Variants in RAB2A observed in about 807,000 individuals in gnomAD.
RAB2A encodes RAB2A, member RAS oncogene family, also known as ras-related protein Rab-2A.
A neutral mutation model predicts 32.5 loss-of-function variants in RAB2A; 7 were observed. That is an observed-to-expected ratio of 0.22 (90% CI 0.12 to 0.40). RAB2A has a LOEUF of 0.40. Ranked by LOEUF, RAB2A falls within the 10% of genes least tolerant of loss-of-function variation. The pLI, the probability that RAB2A is intolerant of heterozygous loss-of-function variation, is 1.00. For missense variants in RAB2A, 108 were observed against 260.7 expected (o/e 0.41, Z 4.03); for synonymous variants, 79 against 85.2 (o/e 0.93, Z 0.40).
At chr8:60,535,450 AC>A (rs1751051172) in intron 1 of RAB2A, among the ~76,000 whole-genome samples, 1 of 152,190 alleles carries the variant, frequency 6.6e-6, no homozygotes, top group South Asian at 2.1e-4. Context: ...TACAATCACT[AC>A]TGTTCTACAA....
At chr8:60,590,663 G>T (rs563632266) in intron 5 of RAB2A, among the ~76,000 whole-genome samples, 1 of 148,754 alleles carries the variant, frequency 6.7e-6, no homozygotes, top group South Asian at 2.1e-4. Context: ...AAATAACTTT[G>T]CCTTATAGAG....
At chr8:60,532,005 A>C (rs1807484611) in intron 1 of RAB2A, among the ~76,000 whole-genome samples, 1 of 152,052 alleles carries the variant, frequency 6.6e-6, no homozygotes, top group Non-Finnish European at 1.5e-5. Flanking sequence ...GGGTTTCACC[A>C]TGTTGGTCAA....
At chr8:60,532,277 G>C (rs760183774) in intron 1 of RAB2A, among the ~76,000 whole-genome samples, 1 of 152,192 alleles carries the variant, frequency 6.6e-6, no homozygotes, top group Non-Finnish European at 1.5e-5. Context: ...AGTATTGTTA[G>C]TTCAGTTTTA....
intron 6 of RAB2A, among the ~76,000 whole-genome samples, chr8:60,596,715 G>A (rs957454941): frequency 1.3e-5 from 2 of 152,122 alleles, no homozygotes; most frequent in Admixed American, 6.5e-5. Context: ...AAGGTCAGGA[G>A]ATGAGACCAT....
intron 6 of RAB2A, among the ~76,000 whole-genome samples, chr8:60,597,457 A>C (rs1220868337): frequency 6.6e-6 from 1 of 152,138 alleles, no homozygotes; most frequent in Non-Finnish European, 1.5e-5. Context: ...GTGGGGGCCT[A>C]GGGGAAGGAT....
chr8:60,596,093 T>G (rs1364032353), intron 6 of RAB2A, among the ~76,000 whole-genome samples: 1 of 152,176 alleles, frequency 6.6e-6, no homozygotes, highest in Non-Finnish European at 1.5e-5. Context: ...TATCATTAAA[T>G]GCACACAATA....
intron 1 of RAB2A, among the ~76,000 whole-genome samples, chr8:60,544,061 C>CAAAAAAA (rs532347157): frequency 1.1e-5 from 1 of 93,756 alleles, no homozygotes; most frequent in Admixed American, 1.1e-4. Flanking sequence ...GACTCCGTCT[C>CAAAAAAA]AAAAAAAAAA....
intron 6 of RAB2A, among the ~76,000 whole-genome samples, chr8:60,597,291 A>G (rs1804044923): frequency 6.6e-6 from 1 of 152,184 alleles, no homozygotes; most frequent in Non-Finnish European, 1.5e-5. Context: ...TGTCCTTTGC[A>G]GGGGACTTGG....
chr8:60,620,635 G>A (rs1431604641), intron 7 of RAB2A, 39 bp from the exon 8 acceptor site: 4 of 1,403,114 alleles, frequency 2.9e-6, no homozygotes, highest in Middle Eastern at 1.9e-4. Context: ...AAACTATATT[G>A]TCTGGTCATA....
At chr8:60,618,860 C>A in intron 7 of RAB2A, 1 of 166,144 alleles carries the variant, frequency 6.0e-6, no homozygotes, top group Non-Finnish European at 1.3e-5. Flanking sequence ...TCTAGTAGAG[C>A]AACACTTTGT....
chr8:60,562,907 A>C (rs776718144), intron 2 of RAB2A, among the ~76,000 whole-genome samples: 25 of 152,282 alleles, frequency 1.6e-4, no homozygotes, highest in Middle Eastern at 3.4e-3. Flanking sequence ...AGTCAAGCTA[A>C]ATACAGGCCA....
intron 1 of RAB2A, among the ~76,000 whole-genome samples, chr8:60,532,816 A>G (rs374063801): frequency 2.0e-5 from 3 of 152,230 alleles, no homozygotes; most frequent in South Asian, 4.1e-4. Flanking sequence ...AGCCAGCTAC[A>G]TGAATTTTCA....
chr8:60,518,944 T>G (rs2130802182), intron 1 of RAB2A, among the ~76,000 whole-genome samples: 1 of 152,316 alleles, frequency 6.6e-6, no homozygotes, highest in African/African-American at 2.4e-5. Flanking sequence ...TGGTTGCCTT[T>G]TTTCAGTTTT....
chr8:60,546,490 T>C (rs1013138560), intron 1 of RAB2A, among the ~76,000 whole-genome samples: 1 of 152,172 alleles, frequency 6.6e-6, no homozygotes, highest in African/African-American at 2.4e-5. Context: ...AGATCTAGTT[T>C]TGGTTGGTAA....
rs1286754082 is a variant in RAB2A at position 60,554,784 on chromosome 8, C to T, written c.47-4068C>T. On this transcript the variant is annotated intron_variant, in intron 1 of 7. Coordinates refer to ENST00000262646, the MANE Select transcript of RAB2A (RefSeq NM_002865.3). The stretch of plus-strand genomic sequence containing the variant: ...AGGAGAATTGCTTGAACCCGGAAGG[C>T]GGAGGTTGCAGTGAGCCGAGATTGC... Among the ~76,000 whole-genome samples, 7 of 151,798 alleles carry T rather than the reference C, an allele frequency of 4.6e-5. No homozygotes were observed. The South Asian group carries it at 8.3e-4, about 18-fold the overall frequency.
At chr8:60,574,199 C>T (rs1276450465) in intron 3 of RAB2A, among the ~76,000 whole-genome samples, 1 of 152,122 alleles carries the variant, frequency 6.6e-6, no homozygotes, top group African/African-American at 2.4e-5. Flanking sequence ...TGACCCCCAT[C>T]GGAATAACTT....
intron 2 of RAB2A, 37 bp downstream of exon 2, chr8:60,558,960 T>A (rs2130830813): frequency 1.4e-6 from 2 of 1,479,668 alleles, no homozygotes; most frequent in East Asian, 4.5e-5. Flanking sequence ...CACTAAAAGT[T>A]TTGGATAGTT....
chr8:60,520,905 C>T (rs2130803500), intron 1 of RAB2A, among the ~76,000 whole-genome samples: 2 of 152,330 alleles, frequency 1.3e-5, no homozygotes, highest in South Asian at 2.1e-4. Context: ...CAGCTTCAGT[C>T]TCCTGGGCCT....
chr8:60,574,327 A>T (rs893919418), intron 3 of RAB2A, among the ~76,000 whole-genome samples: 5 of 152,120 alleles, frequency 3.3e-5, no homozygotes, highest in Non-Finnish European at 7.4e-5. Flanking sequence ...GGATCCACCT[A>T]TATCTTATGC....
Sources: allele counts gnomAD v4.1 joint callset (sites outside exome capture counted in the v4.1 genomes callset), GRCh38; gene constraint gnomAD v4.1.1; transcripts MANE v1.5; gene names NCBI Gene and HGNC (gene_info 2026-07-23, HGNC 2026-07-21).